The following SHISA6 variants were observed in gnomAD, a reference collection of about 807,000 sequenced individuals.
The protein encoded by SHISA6 is protein shisa-6.
In SHISA6, 22 loss-of-function variants were observed where a neutral mutation model predicts 47.9. The ratio of observed to expected loss-of-function variants is 0.46; its 90% CI spans 0.33 to 0.66. SHISA6 has a LOEUF of 0.66. Ranked by LOEUF, SHISA6 falls within the 30% of genes least tolerant of loss-of-function variation. The pLI is 0.02. For missense variants in SHISA6, 680 were observed against 764.6 expected, an observed-to-expected ratio of 0.89 and a Z score of 1.30; for synonymous variants, 388 against 337.8, an observed-to-expected ratio of 1.15 and a Z score of -1.63.
intron 3 of SHISA6, among the ~76,000 whole-genome samples, chr17:11,495,481 G>A (rs1222398081): frequency 6.6e-6 from 1 of 152,176 alleles, no homozygotes; most frequent in Non-Finnish European, 1.5e-5. Context: ...GAGGGGCATG[G>A]CTGGCCCAGG....
intron 3 of SHISA6, among the ~76,000 whole-genome samples, chr17:11,404,092 A>G (rs1913866151): frequency 6.6e-6 from 1 of 152,240 alleles, no homozygotes. Flanking sequence ...CAGTCAAAAT[A>G]AAAATATCAG....
At chr17:11,441,165 A>G (rs1915084773) in intron 3 of SHISA6, among the ~76,000 whole-genome samples, 1 of 152,202 alleles carries the variant, frequency 6.6e-6, no homozygotes. Context: ...TGCTGTCAGG[A>G]AGCCAGGCTA....
At chr17:11,315,226 A>G (rs1259138223) in intron 2 of SHISA6, among the ~76,000 whole-genome samples, 1 of 152,142 alleles carries the variant, frequency 6.6e-6, no homozygotes, top group Non-Finnish European at 1.5e-5. Flanking sequence ...TATTAAATAA[A>G]TGGAGTTATT....
At chr17:11,388,790 T>TTTTATA (rs1913276456) in intron 3 of SHISA6, among the ~76,000 whole-genome samples, 1 of 50,036 alleles carries the variant, frequency 2.0e-5, no homozygotes, top group African/African-American at 7.2e-5. Flanking sequence ...AAACAAAAGT[T>TTTTATA]TATATATATA....
intron 3 of SHISA6, among the ~76,000 whole-genome samples, chr17:11,452,734 C>A (rs1915434357): frequency 6.7e-6 from 1 of 148,466 alleles, no homozygotes; most frequent in African/African-American, 2.5e-5. Context: ...TCTTCCCCTC[C>A]TCCTCCTCTA....
At chr17:11,408,818 T>C (rs1184269369) in intron 3 of SHISA6, among the ~76,000 whole-genome samples, 1 of 152,212 alleles carries the variant, frequency 6.6e-6, no homozygotes, top group African/African-American at 2.4e-5. Flanking sequence ...TGCTCACAGC[T>C]GCCTTATTGA....
chr17:11,557,677 G>C, intron 5 of SHISA6, 77 bp from the exon 6 acceptor site: 2 of 1,381,006 alleles, frequency 1.4e-6, no homozygotes, highest in Non-Finnish European at 1.9e-6. Flanking sequence ...TGGAGCAGGA[G>C]CGGGGCAGGG....
chr17:11,335,956 G>A (rs902946535), intron 2 of SHISA6, among the ~76,000 whole-genome samples: 2 of 152,076 alleles, frequency 1.3e-5, no homozygotes, highest in South Asian at 2.1e-4. Flanking sequence ...CAGCACTTTG[G>A]GAGGCCAAGG....
rs1907353372 is a variant in SHISA6 at position 11,241,741 on chromosome 17, G to A, written c.319G>A (p.Glu107Lys). 2 of 1,545,190 alleles carry A rather than the reference G, an allele frequency of 1.3e-6. No homozygotes were observed. Among genetic ancestry groups the A allele is most frequent in the South Asian group, 1.2e-5 (1 of 84,066 alleles). Residue 107 changes from glutamate (E) to lysine (K), a missense_variant, in exon 1 of 6, where the codon GAG (glutamate) becomes AAG (lysine). Glu to Lys is a moderately conservative substitution (Grantham distance 56). Around this residue, in one of 2 missense-constraint regions of SHISA6, gnomAD observed 559 missense variants for 674.1 expected, o/e 0.83. Coordinates refer to ENST00000441885, the MANE Select transcript of SHISA6 (RefSeq NM_207386.4). This position sits in a 1 kb window ranked among gnomAD's most constrained non-coding sequence, Gnocchi z 5.5. ...YYDVSGQYDK[E>K]FECNNSESGY... ...CGACGTGAGCGGCCAGTACGACAAG[G>A]AGTTCGAGTGTAACAACAGCGAGAG...
At chr17:11,545,080 T>C (rs2071872311) in intron 3 of SHISA6, among the ~76,000 whole-genome samples, 1 of 151,638 alleles carries the variant, frequency 6.6e-6, no homozygotes, top group South Asian at 2.1e-4. Context: ...TGCACACGAA[T>C]GTTGACAGCA....
At chr17:11,555,954 C>T in intron 5 of SHISA6, 62 bp downstream of exon 5, 8 of 1,461,234 alleles carry the variant, frequency 5.5e-6, no homozygotes, top group Non-Finnish European at 6.4e-6. Flanking sequence ...CTTCCTATGT[C>T]ACACTCTCTT....
intron 3 of SHISA6, among the ~76,000 whole-genome samples, chr17:11,477,127 C>A (rs1916070201): frequency 6.6e-6 from 1 of 152,116 alleles, no homozygotes. Flanking sequence ...TGTCTCCATT[C>A]CTCTACTTGC....
chr17:11,529,244 G>T (rs2071713188), intron 3 of SHISA6, among the ~76,000 whole-genome samples: 1 of 151,780 alleles, frequency 6.6e-6, no homozygotes. Flanking sequence ...TAAAACTATG[G>T]AATAGTTTCT....
chr17:11,443,053 T>C (rs1915134287), intron 3 of SHISA6, among the ~76,000 whole-genome samples: 1 of 152,250 alleles, frequency 6.6e-6, no homozygotes, highest in Non-Finnish European at 1.5e-5. Flanking sequence ...GATTACGCTG[T>C]CTGCTGCTCT....
At chr17:11,279,617 G>A (rs1292909651) in intron 2 of SHISA6, among the ~76,000 whole-genome samples, 4 of 152,098 alleles carry the variant, frequency 2.6e-5, no homozygotes, top group Non-Finnish European at 5.9e-5. Flanking sequence ...TGGTAATAGA[G>A]TCTTAGGAAG....
intron 3 of SHISA6, among the ~76,000 whole-genome samples, chr17:11,410,411 A>G (rs1045938431): frequency 6.6e-6 from 1 of 152,216 alleles, no homozygotes; most frequent in Non-Finnish European, 1.5e-5. Flanking sequence ...GCAGATGAGG[A>G]AAAGGAAGCT....
intron 3 of SHISA6, among the ~76,000 whole-genome samples, chr17:11,466,464 G>A (rs722118): frequency 0.27 from 40,409 of 152,004 alleles, 5,551 homozygotes; most frequent in Middle Eastern, 0.37. Flanking sequence ...CATCTGCAAA[G>A]TCCCTTTTGC....
rs573545991 is a variant in SHISA6 at position 11,369,657 on chromosome 17, G to A, written c.800-9757G>A. Among the ~76,000 whole-genome samples the A allele has an allele frequency of 7.2e-5, 11 of 152,344 alleles. No homozygotes were observed. In the East Asian group the frequency reaches 1.9e-3, roughly 27 times the overall value. ...ATAAGACGCTGGGTGCAAAGAAAGA[G>A]TTGTTCCTCCCTGCAGAGCACCACA... On this transcript the variant is annotated intron_variant, in intron 2 of 5. Transcript: ENST00000441885.
chr17:11,360,348 A>G (rs1211248521), intron 2 of SHISA6, among the ~76,000 whole-genome samples: 1 of 152,204 alleles, frequency 6.6e-6, no homozygotes, highest in East Asian at 1.9e-4. Context: ...TCATGAGGTC[A>G]GGAGTTCAAG....
Sources: allele counts gnomAD v4.1 joint callset (sites outside exome capture counted in the v4.1 genomes callset), GRCh38; gene constraint gnomAD v4.1.1; regional missense constraint gnomAD v4.1.1; non-coding constraint Gnocchi (gnomAD v3.1); transcripts MANE v1.5; gene names NCBI Gene and HGNC (gene_info 2026-07-23, HGNC 2026-07-21).